SOX6: variants seen among roughly 807,000 people sequenced by gnomAD.
SOX6 encodes the protein SRY-box transcription factor 6, also known as transcription factor SOX-6.
SOX6 carries 11 observed loss-of-function variants against 97.8 expected under a neutral mutation model. The observed-to-expected ratio is 0.11, with a 90% confidence interval of 0.07 to 0.19. The LOEUF (loss-of-function observed/expected upper bound fraction) is 0.19. Among genes scored for constraint, SOX6 ranks in the 10% least tolerant of loss-of-function variants. The pLI is 1.00. For synonymous variants in SOX6, 360 were observed against 371.4 expected (o/e 0.97, Z 0.35); for missense variants, 810 against 1,039.5 (o/e 0.78, Z 3.04).
intron 15 of SOX6, among the ~76,000 whole-genome samples, chr11:15,980,898 T>C (rs1468767670): frequency 5.9e-5 from 9 of 152,084 alleles, no homozygotes; most frequent in Admixed American, 5.9e-4. Context: ...TAAGACACTA[T>C]TATATGCTAA....
chr11:16,272,698 A>T (rs1854292346), intron 3 of SOX6, among the ~76,000 whole-genome samples: 1 of 151,846 alleles, frequency 6.6e-6, no homozygotes, highest in African/African-American at 2.4e-5. Context: ...TAGATGAAAA[A>T]TGACTTTTAA....
At chr11:16,148,372 C>A (rs189361636) in intron 6 of SOX6, among the ~76,000 whole-genome samples, 2 of 152,146 alleles carry the variant, frequency 1.3e-5, no homozygotes, top group African/African-American at 4.8e-5. Context: ...AGACCCTGCT[C>A]TGTTGTCTGG....
intron 4 of SOX6, among the ~76,000 whole-genome samples, chr11:16,214,734 G>A (rs921977709): frequency 3.3e-5 from 5 of 149,954 alleles, no homozygotes; most frequent in Non-Finnish European, 7.4e-5. Flanking sequence ...TCCCCCTCAA[G>A]CACTGGAACC....
chr11:16,716,308 C>G (rs1287030983), intron 2 of SOX6, among the ~76,000 whole-genome samples: 1 of 152,118 alleles, frequency 6.6e-6, no homozygotes, highest in East Asian at 1.9e-4. Flanking sequence ...ACTAGGGAGG[C>G]TGAGGCCAGA....
At chr11:16,719,104 T>C (rs1001378231) in intron 2 of SOX6, among the ~76,000 whole-genome samples, 3 of 151,882 alleles carry the variant, frequency 2.0e-5, no homozygotes, top group African/African-American at 7.3e-5. Flanking sequence ...TTATAAGTCA[T>C]ATAAATTTAA....
At chr11:16,207,397 T>C (rs568146448) in intron 4 of SOX6, among the ~76,000 whole-genome samples, 1 of 152,054 alleles carries the variant, frequency 6.6e-6, no homozygotes, top group East Asian at 1.9e-4. Context: ...GGTCAGGAGA[T>C]CGAGACCATC....
chr11:16,163,704 G>T (rs1401703124), intron 6 of SOX6, among the ~76,000 whole-genome samples: 2 of 152,196 alleles, frequency 1.3e-5, no homozygotes, highest in African/African-American at 4.8e-5. Flanking sequence ...GCATTCTTCT[G>T]GGGCCTTGAC....
At chr11:16,510,523 C>T (rs1419932551) in intron 4 of SOX6, among the ~76,000 whole-genome samples, 5 of 151,898 alleles carry the variant, frequency 3.3e-5, no homozygotes, top group Non-Finnish European at 5.9e-5. Flanking sequence ...ATAGAGTCTT[C>T]AATAAATTTT....
At chr11:16,344,598 T>C (rs1238346898) in intron 1 of SOX6, among the ~76,000 whole-genome samples, 1 of 151,950 alleles carries the variant, frequency 6.6e-6, no homozygotes, top group Non-Finnish European at 1.5e-5. Flanking sequence ...TCATGTGGAA[T>C]GCTTACATTT....
At chr11:16,243,390 T>C (rs993244417) in intron 3 of SOX6, among the ~76,000 whole-genome samples, 5 of 151,990 alleles carry the variant, frequency 3.3e-5, no homozygotes, top group African/African-American at 1.2e-4. Flanking sequence ...TACCACTTTG[T>C]GTTTTTCCAT....
At chr11:16,675,520 CA>C (rs1462401325) in intron 3 of SOX6, among the ~76,000 whole-genome samples, 1 of 152,078 alleles carries the variant, frequency 6.6e-6, no homozygotes, top group Non-Finnish European at 1.5e-5. Flanking sequence ...AGTTACAAAC[CA>C]AAAATAGGTA....
intron 4 of SOX6, among the ~76,000 whole-genome samples, chr11:16,539,223 T>A (rs1861361935): frequency 6.6e-6 from 1 of 152,188 alleles, no homozygotes; most frequent in Admixed American, 6.5e-5. Flanking sequence ...CCTGAATAAC[T>A]ACTGGGTAAA....
intron 4 of SOX6, among the ~76,000 whole-genome samples, chr11:16,608,058 A>G (rs1317751324): frequency 6.6e-6 from 1 of 151,954 alleles, no homozygotes; most frequent in Non-Finnish European, 1.5e-5. Flanking sequence ...AAGAAGAGAG[A>G]AAGTCGGGGT....
intron 3 of SOX6, among the ~76,000 whole-genome samples, chr11:16,625,109 T>G (rs1278527979): frequency 1.3e-5 from 2 of 152,188 alleles, no homozygotes; most frequent in Non-Finnish European, 2.9e-5. Flanking sequence ...TTTTGATGAG[T>G]AGATGTTTTT....
intron 6 of SOX6, among the ~76,000 whole-genome samples, chr11:16,120,506 T>C (rs567164263): frequency 6.6e-6 from 1 of 151,402 alleles, no homozygotes; most frequent in South Asian, 2.1e-4. Context: ...AAACTCAGGA[T>C]TGGGACTTCA....
At chr11:16,008,604 A>C (rs79861096) in intron 13 of SOX6, among the ~76,000 whole-genome samples, 1 of 152,076 alleles carries the variant, frequency 6.6e-6, no homozygotes, top group Admixed American at 6.6e-5. Context: ...ACATTTCACT[A>C]TCTTGCCCCA....
intron 6 of SOX6, among the ~76,000 whole-genome samples, chr11:16,177,165 T>C (rs1209124364): frequency 6.6e-6 from 1 of 151,906 alleles, no homozygotes; most frequent in Non-Finnish European, 1.5e-5. Context: ...AAACATAATC[T>C]CAGGGTTATT....
At chr11:16,496,992 G>T (rs1860610291) in intron 4 of SOX6, among the ~76,000 whole-genome samples, 1 of 152,216 alleles carries the variant, frequency 6.6e-6, no homozygotes, top group Non-Finnish European at 1.5e-5. Flanking sequence ...GCACACAGCT[G>T]GAGATCTGAG....
chr11:16,575,748 G>A (rs73417201), intron 4 of SOX6, among the ~76,000 whole-genome samples: 3,875 of 152,206 alleles, frequency 0.025, 152 homozygotes, highest in African/African-American at 0.088. Context: ...ACACAGAATG[G>A]TGATGGGGTA....
Sources: allele counts gnomAD v4.1 joint callset (sites outside exome capture counted in the v4.1 genomes callset), GRCh38; gene constraint gnomAD v4.1.1; transcripts MANE v1.5; gene names NCBI Gene and HGNC (gene_info 2026-07-23, HGNC 2026-07-21).